The following SS18 variants were observed in gnomAD, a reference collection of about 807,000 sequenced individuals.
SS18 encodes the protein protein SSXT.
In SS18, 28 loss-of-function variants were observed where a neutral mutation model predicts 72.5. That is an observed-to-expected ratio of 0.39 (90% CI 0.29 to 0.53). The LOEUF is 0.53. Ranked by LOEUF, SS18 falls within the 20% of genes least tolerant of loss-of-function variation. SS18 has a pLI of 0.76. For synonymous variants in SS18, 172 were observed against 164.2 expected (o/e 1.05, Z -0.37); for missense variants, 518 against 535.3 (o/e 0.97, Z 0.32).
intron 2 of SS18, among the ~76,000 whole-genome samples, chr18:26,083,783 A>T (rs952032988): frequency 3.0e-4 from 45 of 152,176 alleles, no homozygotes; most frequent in Admixed American, 2.0e-3. Flanking sequence ...TCTAAGCTTT[A>T]ACATTCCATG....
intron 10 of SS18, among the ~76,000 whole-genome samples, chr18:26,026,280 C>G (rs1166811919): frequency 6.6e-6 from 1 of 152,070 alleles, no homozygotes; most frequent in Non-Finnish European, 1.5e-5. Context: ...CTAATCAACC[C>G]AATATATAAA....
chr18:26,085,738 A>G (rs1005257783), intron 2 of SS18, among the ~76,000 whole-genome samples: 2 of 152,336 alleles, frequency 1.3e-5, no homozygotes, highest in East Asian at 1.9e-4. Flanking sequence ...TATACTTTAT[A>G]ATTTTTTTTA....
chr18:26,018,358 T>C lies in SS18; in HGVS notation c.1253A>G (p.Gln418Arg). ...YDQGQYGNYQ[Q>R] ...TACTGGAATGTAAGTACTTTTTCAC[T>C]GCTGGTAATTTCCATACTGTCCCTA... Residue 418 changes from glutamine (Q) to arginine (R), a missense_variant, in exon 11 of 11, where the codon CAG becomes CGG. Coordinates refer to ENST00000415083, the MANE Select transcript of SS18 (RefSeq NM_001007559.3). 2 of 1,601,446 alleles carry C rather than the reference T, an allele frequency of 1.2e-6. No individual in the cohort carries two copies. Among genetic ancestry groups the C allele is most frequent in the South Asian group, 2.2e-5 (2 of 90,576 alleles).
chr18:26,067,003 G>A (rs867261884), intron 3 of SS18, among the ~76,000 whole-genome samples: 1 of 151,946 alleles, frequency 6.6e-6, no homozygotes, highest in Non-Finnish European at 1.5e-5. Flanking sequence ...GAATTTTTTG[G>A]TATATAAAAA....
At chr18:26,064,993 T>C (rs2054187625) in intron 3 of SS18, 1 of 152,034 alleles carries the variant, frequency 6.6e-6, no homozygotes, top group South Asian at 2.1e-4. Context: ...GATGGCATAA[T>C]AGCATCCAAA....
At chr18:26,073,578 A>G (rs1300499608) in intron 3 of SS18, among the ~76,000 whole-genome samples, 1 of 152,226 alleles carries the variant, frequency 6.6e-6, no homozygotes, top group African/African-American at 2.4e-5. Flanking sequence ...AATTGCTGGA[A>G]CCTCATTATG....
At chr18:26,021,342 C>A (rs2053346705) in intron 10 of SS18, among the ~76,000 whole-genome samples, 1 of 152,114 alleles carries the variant, frequency 6.6e-6, no homozygotes, top group Non-Finnish European at 1.5e-5. Flanking sequence ...AGAAGAAAAA[C>A]ATGAAAATGC....
intron 10 of SS18, among the ~76,000 whole-genome samples, chr18:26,025,376 G>A (rs181023121): frequency 9.2e-5 from 14 of 151,980 alleles, no homozygotes; most frequent in Non-Finnish European, 2.1e-4. Flanking sequence ...TAAAGTTCTG[G>A]GCAGAAATCA....
chr18:26,056,286 T>A (rs945102165), intron 4 of SS18, among the ~76,000 whole-genome samples: 5 of 152,206 alleles, frequency 3.3e-5, no homozygotes, highest in African/African-American at 9.6e-5. Flanking sequence ...AGTACCATCA[T>A]AAAAAGTCAC....
intron 2 of SS18, among the ~76,000 whole-genome samples, chr18:26,083,418 T>C (rs1490478929): frequency 6.6e-6 from 1 of 152,194 alleles, no homozygotes; most frequent in African/African-American, 2.4e-5. Context: ...ACAATGGGGA[T>C]ACATTCTGAT....
rs191279435 is a variant in SS18 at position 26,070,825 on chromosome 18, C to T, written c.231+7251G>A. On this transcript the variant is annotated intron_variant, in intron 3 of 10. Transcript: ENST00000415083. Reference sequence around the variant, plus strand: ...AAGTGAAAAACCCCATTCTAGAAAACTTAAGTAAAATCATCCTAAAACATA... The same window carrying T: ...AAGTGAAAAACCCCATTCTAGAAAATTTAAGTAAAATCATCCTAAAACATA... Among the ~76,000 whole-genome samples the T allele has an allele frequency of 2.0e-5, 3 of 152,118 alleles. No individual in the cohort carries two copies. The East Asian group carries it at 5.8e-4, about 29-fold the overall frequency.
rs180894099 is a variant in SS18 at position 26,029,781 on chromosome 18, T to C, written c.1230+2618A>G. On this transcript the variant is annotated intron_variant, in intron 10 of 10. Coordinates refer to ENST00000415083, the MANE Select transcript of SS18 (RefSeq NM_001007559.3). Reference sequence around the variant, plus strand: ...TTTCAGAATCTTCGTTAGTTTTCCATTGCCTCAACCATCAAGACGTGAACG... The same window carrying C: ...TTTCAGAATCTTCGTTAGTTTTCCACTGCCTCAACCATCAAGACGTGAACG... Among the ~76,000 whole-genome samples the C allele has an allele frequency of 7.9e-5, 12 of 152,308 alleles. No individual in the cohort carries two copies. The South Asian group carries it at 1.2e-3, about 16-fold the overall frequency.
intron 3 of SS18, among the ~76,000 whole-genome samples, chr18:26,075,040 T>C (rs1401374516): frequency 2.0e-5 from 3 of 151,922 alleles, no homozygotes; most frequent in African/African-American, 4.8e-5. Context: ...AGGCAATTTA[T>C]AAAATATAGA....
intron 10 of SS18, 27 bp from the exon 11 acceptor site, chr18:26,018,407 T>A: frequency 6.9e-7 from 1 of 1,456,070 alleles, no homozygotes; most frequent in Middle Eastern, 2.3e-4. Flanking sequence ...AAAATATAAT[T>A]AGATAATAGT....
intron 10 of SS18, among the ~76,000 whole-genome samples, chr18:26,023,325 G>A (rs1598522694): frequency 6.6e-6 from 1 of 152,132 alleles, no homozygotes; most frequent in East Asian, 1.9e-4. Context: ...AACCAAACTT[G>A]TAGAGATGAA....
Position 26,039,349 on chromosome 18 carries a change from T to G in SS18, c.715A>C (p.Asn239His). The G allele has an allele frequency of 1.2e-6, 2 of 1,613,904 alleles. No individual in the cohort carries two copies. Among genetic ancestry groups the G allele is most frequent in the Non-Finnish European group, 1.7e-6 (2 of 1,179,876 alleles). The change falls in exon 6 of 11, where the codon AAC (asparagine) becomes CAC (histidine). Residue 239 changes from asparagine to histidine, a missense_variant. Physicochemically the swap from Asn to His is moderately conservative, Grantham distance 68. Coordinates refer to ENST00000415083, the MANE Select transcript of SS18 (RefSeq NM_001007559.3). ...QPPMGMMGQV[N>H]QGNHMMGQRQ... ...TGACCCATCATATGATTGCCTTGGT[T>G]AACTTGACCCATCATTCCCATAGGT...
chr18:26,019,528 G>A (rs1364111625), intron 10 of SS18, among the ~76,000 whole-genome samples: 1 of 151,998 alleles, frequency 6.6e-6, no homozygotes, highest in Non-Finnish European at 1.5e-5. Context: ...GGGATTTTAT[G>A]GGCCAGGCAT....
chr18:26,034,243 T>C (rs1325399974), intron 9 of SS18, among the ~76,000 whole-genome samples: 1 of 152,100 alleles, frequency 6.6e-6, no homozygotes, highest in Non-Finnish European at 1.5e-5. Flanking sequence ...TAATAAGATA[T>C]TACCGACGTG....
At chr18:26,081,930 C>G (rs1455969089) in intron 2 of SS18, among the ~76,000 whole-genome samples, 1 of 151,946 alleles carries the variant, frequency 6.6e-6, no homozygotes, top group Non-Finnish European at 1.5e-5. Context: ...TGGTGGCACG[C>G]ACCTGTAGTC....
Sources: gnomAD v4.1 joint callset for allele counts (sites outside exome capture counted in the v4.1 genomes callset) on GRCh38, gnomAD v4.1.1 for gene constraint, MANE v1.5 for transcripts, NCBI Gene and HGNC (gene_info 2026-07-23, HGNC 2026-07-21) for gene names.